Variants in AGR3 observed in about 807,000 individuals in gnomAD.
AGR3 encodes anterior gradient 3, protein disulphide isomerase family member.
Under a neutral mutation model 24.5 loss-of-function variants are expected in AGR3, and 37 were observed. The ratio of observed to expected loss-of-function variants is 1.51; its 90% CI spans 1.16 to 1.99. The LOEUF is 1.99. Among genes scored for constraint, AGR3 ranks in the 30% most tolerant of loss-of-function variants. The pLI, the probability that AGR3 is intolerant of heterozygous loss-of-function variation, is 0.00. For missense variants in AGR3, 228 were observed against 191.1 expected (o/e 1.19, Z -1.14); for synonymous variants, 75 against 61.6 (o/e 1.22, Z -1.02).
chr7:16,869,466 G>T lies in AGR3; in HGVS notation c.173+4314C>A, dbSNP rs117697267. Reference sequence around the variant, plus strand: ...AGTGAGGCCTGGCATGGTGGCTCATGCCTGTAATCCCAGCACTTTGGGAGG... The same window carrying T: ...AGTGAGGCCTGGCATGGTGGCTCATTCCTGTAATCCCAGCACTTTGGGAGG... On this transcript the variant is annotated intron_variant, in intron 3 of 7. Transcript: ENST00000310398. 9.2e-3 allele frequency among the ~76,000 whole-genome samples: 1,399 copies of T among 152,214 alleles called. 19 individuals carry two copies. The highest frequency in any genetic ancestry group is 0.015 in the Non-Finnish European group (1,048 of 68,016).
At chr7:16,875,724 A>G (rs1252485344) in intron 2 of AGR3, among the ~76,000 whole-genome samples, 2 of 151,994 alleles carry the variant, frequency 1.3e-5, no homozygotes, top group African/African-American at 4.8e-5. Context: ...TATACTCACC[A>G]GCAACATTTT....
chr7:16,862,847 G>A (rs184954409), intron 3 of AGR3, among the ~76,000 whole-genome samples, 185 bp from the exon 4 acceptor site: 2 of 152,170 alleles, frequency 1.3e-5, no homozygotes, highest in Non-Finnish European at 2.9e-5. Flanking sequence ...GATAGTATCA[G>A]TATCACTAGG....
intron 1 of AGR3, among the ~76,000 whole-genome samples, chr7:16,879,985 A>G (rs1782070706): frequency 1.3e-5 from 2 of 151,670 alleles, no homozygotes; most frequent in Admixed American, 6.6e-5. Context: ...TGGACTGAAA[A>G]TAGTTACCAC....
intron 3 of AGR3, 28 bp downstream of exon 3, chr7:16,873,752 G>GA (rs779640247): frequency 6.5e-7 from 1 of 1,545,876 alleles, no homozygotes; most frequent in Non-Finnish European, 8.9e-7. Flanking sequence ...CAAATAAAAG[G>GA]AAAAAAATGA....
chr7:16,863,808 T>C (rs868690376), intron 3 of AGR3, among the ~76,000 whole-genome samples: 4 of 152,272 alleles, frequency 2.6e-5, no homozygotes, highest in Middle Eastern at 6.8e-3. Context: ...CTCTTGTGTT[T>C]AGATTGTTCC....
At chr7:16,862,555 T>C (rs1413646509) in intron 4 of AGR3, 55 bp downstream of exon 4, 2 of 1,172,848 alleles carry the variant, frequency 1.7e-6, no homozygotes, top group African/African-American at 1.6e-5. Flanking sequence ...TCACTTTTCC[T>C]ATTTTATATT....
downstream of AGR3, among the ~76,000 whole-genome samples, chr7:16,856,672 A>C (rs1341598270): frequency 6.6e-6 from 1 of 152,230 alleles, no homozygotes; most frequent in Non-Finnish European, 1.5e-5. Flanking sequence ...AATGCTTTGC[A>C]CATAGAATTG....
intron 3 of AGR3, chr7:16,865,727 G>A (rs7788732): frequency 0.1 from 79,617 of 759,238 alleles, 6,207 homozygotes; most frequent in East Asian, 0.35. Flanking sequence ...TTTGCAAACT[G>A]CTATCTGAGA....
chr7:16,871,815 C>A (rs6949436), intron 3 of AGR3, among the ~76,000 whole-genome samples: 17,088 of 152,048 alleles, frequency 0.11, 1,240 homozygotes, highest in East Asian at 0.36. Flanking sequence ...GTACTCCAGC[C>A]TGGTGACAGA....
intron 3 of AGR3, among the ~76,000 whole-genome samples, chr7:16,872,527 C>T (rs1187623512): frequency 2.0e-5 from 3 of 152,050 alleles, no homozygotes; most frequent in Admixed American, 1.3e-4. Context: ...TAAGGGAAGC[C>T]CTTCGGACAT....
chr7:16,855,271 C>T (rs937821354), downstream of AGR3, among the ~76,000 whole-genome samples: 1 of 152,086 alleles, frequency 6.6e-6, no homozygotes, highest in Admixed American at 6.5e-5. Flanking sequence ...TTCTGAGATA[C>T]TGAGGGATAG....
chr7:16,857,835 A>C (rs1180627361), downstream of AGR3, among the ~76,000 whole-genome samples: 1 of 152,112 alleles, frequency 6.6e-6, no homozygotes, highest in African/African-American at 2.4e-5. Context: ...TTTTTCTCTG[A>C]CTCATCAAAT....
At chr7:16,856,794 TATACACATACAC>T (rs1364853468), downstream of AGR3, among the ~76,000 whole-genome samples, 2 of 151,444 alleles carry the variant, frequency 1.3e-5, no homozygotes, top group African/African-American at 4.8e-5. Flanking sequence ...GAAGTAAAAT[TATACACATACAC>T]ACACACATAC....
At chr7:16,874,246 A>C (rs1781944259) in intron 2 of AGR3, among the ~76,000 whole-genome samples, 1 of 152,112 alleles carries the variant, frequency 6.6e-6, no homozygotes, top group African/African-American at 2.4e-5. Flanking sequence ...ATGCCCTCCT[A>C]TTTTGGGTCC....
rs1179185143 is a variant in AGR3 at position 16,873,845 on chromosome 7, T to G, written c.110-2A>C. The G allele has an allele frequency of 6.2e-7, 1 of 1,611,188 alleles. No individual in the cohort carries two copies. The highest frequency in any genetic ancestry group is 1.7e-5 in the Admixed American group (1 of 60,002). On this transcript the variant is annotated splice_acceptor_variant, in intron 2 of 7. Coordinates refer to ENST00000310398, the MANE Select transcript of AGR3 (RefSeq NM_176813.5). LOFTEE classifies it high-confidence loss of function. ...CCCAAGTGATGTCATCTCCCCATCC[T>G]GAAATAGAAGAGAGAAATCAATGCA...
chr7:16,864,698 C>A (rs1187352184), intron 3 of AGR3: 66 of 1,567,960 alleles, frequency 4.2e-5, no homozygotes, highest in Non-Finnish European at 5.7e-5. Flanking sequence ...AGGCAATTTT[C>A]CCCATACTTT....
At position 16,863,837 on chromosome 7, in the gene AGR3, C is replaced by CA. The variant is rs1054679737; in HGVS notation, c.174-1176dup. On this transcript the variant is annotated intron_variant, in intron 3 of 7. Transcript: ENST00000310398. Reference sequence around the variant, plus strand: ...TTGTTCCTAAACATTTACATTTGTACACTTATTTGCTAAACATGCTTTTTT... The same window carrying CA: ...TTGTTCCTAAACATTTACATTTGTACAACTTATTTGCTAAACATGCTTTTTT... 3.4e-4 allele frequency among the ~76,000 whole-genome samples: 52 copies of CA among 152,002 alleles called. 1 individual carries two copies. Among genetic ancestry groups the CA allele is most frequent in the Middle Eastern group, 3.4e-3 (1 of 294 alleles).
intron 3 of AGR3, chr7:16,865,091 A>G (rs893838244): frequency 1.5e-5 from 11 of 756,838 alleles, no homozygotes; most frequent in Non-Finnish European, 1.9e-5. Context: ...ATGCTCTTTT[A>G]CTGTATAAAA....
intron 3 of AGR3, chr7:16,864,136 A>T: frequency 1.9e-6 from 1 of 518,386 alleles, no homozygotes; most frequent in Non-Finnish European, 3.2e-6. Context: ...GTGATGAAAG[A>T]CTACAGGAAC....
Sources: allele counts gnomAD v4.1 joint callset (sites outside exome capture counted in the v4.1 genomes callset), GRCh38; gene constraint gnomAD v4.1.1; transcripts MANE v1.5; gene names NCBI Gene and HGNC (gene_info 2026-07-23, HGNC 2026-07-21).